Variants in PDZD2 observed in about 807,000 individuals in gnomAD.
PDZD2 encodes the protein PDZ domain-containing protein 2.
PDZD2 carries 90 observed loss-of-function variants against 220.7 expected under a neutral mutation model. That is an observed-to-expected ratio of 0.41 (90% CI 0.34 to 0.49). The LOEUF is 0.49. Among genes scored for constraint, PDZD2 ranks in the 20% least tolerant of loss-of-function variants. The pLI, the probability that PDZD2 is intolerant of heterozygous loss-of-function variation, is 0.28. For missense variants in PDZD2, 3,174 were observed against 3,608.5 expected, an observed-to-expected ratio of 0.88 and a Z score of 3.08; for synonymous variants, 1,375 against 1,450.5, an observed-to-expected ratio of 0.95 and a Z score of 1.18.
At chr5:31,790,747 G>C (rs942893361) in intron 1 of PDZD2, among the ~76,000 whole-genome samples, 1 of 130,858 alleles carries the variant, frequency 7.6e-6, no homozygotes, top group Non-Finnish European at 1.6e-5. Context: ...CGCTCAGGCC[G>C]GACTGCAGTG....
At chr5:31,889,844 A>AC (rs1740847919) in intron 2 of PDZD2, among the ~76,000 whole-genome samples, 2 of 151,694 alleles carry the variant, frequency 1.3e-5, no homozygotes, top group Admixed American at 1.3e-4. Flanking sequence ...ACATGGTGAA[A>AC]CCCCCGTCTC....
At chr5:31,877,213 G>T (rs949956974) in intron 2 of PDZD2, among the ~76,000 whole-genome samples, 7 of 151,670 alleles carry the variant, frequency 4.6e-5, no homozygotes, top group African/African-American at 7.3e-5. Context: ...TTGTTTTTTT[G>T]TTTGTTTGTT....
At position 31,761,965 on chromosome 5, in the gene PDZD2, G is replaced by A. The variant is rs555475933; in HGVS notation, c.-360-36924G>A. Reference sequence around the variant, plus strand: ...ACCACAGAAAACTTACAATTATGGCGGAGGGTGAAGGAGAAGCCAGCACCT... The same window carrying A: ...ACCACAGAAAACTTACAATTATGGCAGAGGGTGAAGGAGAAGCCAGCACCT... On this transcript the variant is annotated intron_variant, in intron 1 of 24. Transcript: ENST00000438447. Among the ~76,000 whole-genome samples, 9 of 152,248 alleles carry A rather than the reference G, an allele frequency of 5.9e-5. No individual in the cohort carries two copies. In the South Asian group the frequency reaches 6.2e-4, roughly 11 times the overall value.
intron 1 of PDZD2, among the ~76,000 whole-genome samples, chr5:31,693,221 G>A (rs1409238000): frequency 6.7e-5 from 10 of 148,756 alleles, no homozygotes; most frequent in African/African-American, 2.0e-4. Flanking sequence ...GGTGGGGGCA[G>A]GAGGATAGTG....
intron 10 of PDZD2, among the ~76,000 whole-genome samples, chr5:32,055,678 T>C (rs1356167463): frequency 6.6e-6 from 1 of 152,198 alleles, no homozygotes; most frequent in Non-Finnish European, 1.5e-5. Flanking sequence ...GGGTTCTTTT[T>C]TTGGAACTGA....
At chr5:31,772,357 T>G (rs1030233371) in intron 1 of PDZD2, among the ~76,000 whole-genome samples, 7 of 152,218 alleles carry the variant, frequency 4.6e-5, no homozygotes, top group Admixed American at 2.0e-4. Flanking sequence ...GGAATTAGCT[T>G]AGACTGTGTG....
At chr5:32,006,933 T>TTTTTTTTTG in intron 5 of PDZD2, among the ~76,000 whole-genome samples, 1 of 132,608 alleles carries the variant, frequency 7.5e-6, no homozygotes, top group Non-Finnish European at 1.5e-5. Context: ...TTTTTTTTTT[T>TTTTTTTTTG]GAGACGGAGT....
intron 14 of PDZD2, among the ~76,000 whole-genome samples, chr5:32,062,676 G>A (rs1028914707): frequency 1.3e-5 from 2 of 152,168 alleles, no homozygotes; most frequent in Non-Finnish European, 2.9e-5. Flanking sequence ...TTATAGGCAC[G>A]AGCCACCGTG....
chr5:31,762,609 A>G (rs1751720328), intron 1 of PDZD2, among the ~76,000 whole-genome samples: 1 of 152,148 alleles, frequency 6.6e-6, no homozygotes, highest in Non-Finnish European at 1.5e-5. Context: ...TTCTTATGCT[A>G]GCACAGGCCT....
At chr5:31,719,775 AATTG>A (rs1416534610) in intron 1 of PDZD2, among the ~76,000 whole-genome samples, 1 of 152,132 alleles carries the variant, frequency 6.6e-6, no homozygotes, top group Non-Finnish European at 1.5e-5. Flanking sequence ...AATCAGCAAT[AATTG>A]ATTGAGGCCC....
At chr5:31,649,693 G>A (rs1580515188) in intron 1 of PDZD2, among the ~76,000 whole-genome samples, 1 of 152,070 alleles carries the variant, frequency 6.6e-6, no homozygotes, top group Non-Finnish European at 1.5e-5. Flanking sequence ...CCAGCACTCT[G>A]GGAGGCCAAG....
chr5:31,924,222 A>G (rs1327363437), intron 2 of PDZD2, among the ~76,000 whole-genome samples: 1 of 152,054 alleles, frequency 6.6e-6, no homozygotes, highest in Non-Finnish European at 1.5e-5. Context: ...AGCAGTCTGA[A>G]CCCAAACCCA....
chr5:31,766,143 G>T (rs185839539), intron 1 of PDZD2, among the ~76,000 whole-genome samples: 1 of 152,274 alleles, frequency 6.6e-6, no homozygotes, highest in East Asian at 1.9e-4. Context: ...TCAGGGTATT[G>T]CACTCCAGCC....
chr5:31,823,707 G>A (rs1756044994), intron 2 of PDZD2, among the ~76,000 whole-genome samples: 1 of 152,126 alleles, frequency 6.6e-6, no homozygotes, highest in African/African-American at 2.4e-5. Context: ...GAGCTTGGAA[G>A]ATATAGGAGC....
chr5:31,697,563 A>G (rs369235740), intron 1 of PDZD2, among the ~76,000 whole-genome samples: 1 of 152,250 alleles, frequency 6.6e-6, no homozygotes, highest in East Asian at 1.9e-4. Context: ...TACTGTTGAC[A>G]TGTCCTCATG....
intron 1 of PDZD2, among the ~76,000 whole-genome samples, chr5:31,671,545 G>A (rs191156441): frequency 3.2e-4 from 48 of 152,246 alleles, no homozygotes; most frequent in Admixed American, 2.2e-3. Context: ...GTTGTGTCTC[G>A]AAGAGCCTGG....
At chr5:31,981,344 C>T (rs746092323) in intron 2 of PDZD2, among the ~76,000 whole-genome samples, 5 of 152,254 alleles carry the variant, frequency 3.3e-5, no homozygotes, top group Non-Finnish European at 5.9e-5. Context: ...ATTCCATTAA[C>T]GTGACCATTA....
At position 31,994,782 on chromosome 5, in the gene PDZD2, T is replaced by C. The variant is rs140590247; in HGVS notation, c.979-794T>C. Among the ~76,000 whole-genome samples the C allele has an allele frequency of 8.1e-4, 123 of 152,346 alleles. 2 individuals are homozygous for C. The East Asian group carries it at 0.023, about 28-fold the overall frequency. On this transcript the variant is annotated intron_variant, in intron 3 of 24. Coordinates refer to ENST00000438447, the MANE Select transcript of PDZD2 (RefSeq NM_178140.4). ...GATTACAGGCATGAGCCAAAGCACC[T>C]GGCCCTCAATATGGTGTTTTTAACA...
Position 31,768,802 on chromosome 5 carries a change from G to A in PDZD2, c.-360-30087G>A, listed in dbSNP as rs530295250. On this transcript the variant is annotated intron_variant, in intron 1 of 24. Coordinates refer to ENST00000438447, the MANE Select transcript of PDZD2 (RefSeq NM_178140.4). ...TTCTAGCGGCACTGGAGCAGGGACAGCGGTGGAGGGGTAAGGGGATCACAT... is the reference window on the plus strand; with the variant it reads ...TTCTAGCGGCACTGGAGCAGGGACAACGGTGGAGGGGTAAGGGGATCACAT... 2.0e-5 allele frequency among the ~76,000 whole-genome samples: 3 copies of A among 152,290 alleles called. No homozygotes were observed. In the South Asian group the frequency reaches 6.2e-4, roughly 32 times the overall value.
Sources: gnomAD v4.1 joint callset for allele counts (sites outside exome capture counted in the v4.1 genomes callset) on GRCh38, gnomAD v4.1.1 for gene constraint, MANE v1.5 for transcripts, NCBI Gene and HGNC (gene_info 2026-07-23, HGNC 2026-07-21) for gene names.